COL14A1: variants seen among roughly 807,000 people sequenced by gnomAD.
COL14A1 encodes collagen alpha-1(XIV) chain.
A neutral mutation model predicts 230.3 loss-of-function variants in COL14A1; 136 were observed. The observed-to-expected ratio is 0.59, with a 90% CI of 0.51 to 0.68. The LOEUF (loss-of-function observed/expected upper bound fraction) is 0.68. COL14A1 is among the 30% of genes least tolerant of loss of function. The pLI is 0.00. For synonymous variants in COL14A1, 792 were observed against 784.1 expected, an observed-to-expected ratio of 1.01 and a Z score of -0.17; for missense variants, 1,976 against 2,215.8, an observed-to-expected ratio of 0.89 and a Z score of 2.17.
chr8:120,302,398 A>G (rs780172679), intron 36 of COL14A1, among the ~76,000 whole-genome samples: 1 of 152,148 alleles, frequency 6.6e-6, no homozygotes, highest in Non-Finnish European at 1.5e-5. Context: ...TCTTTAGTCC[A>G]TCTTGAGTTA....
At chr8:120,203,013 T>TATATATAC (rs909698427) in intron 8 of COL14A1, among the ~76,000 whole-genome samples, 7 of 126,494 alleles carry the variant, frequency 5.5e-5, no homozygotes, top group African/African-American at 2.0e-4. Context: ...TATATATATA[T>TATATATAC]ATATATATTT....
chr8:120,163,898 T>C (rs1815775805), intron 4 of COL14A1, among the ~76,000 whole-genome samples: 1 of 152,156 alleles, frequency 6.6e-6, no homozygotes, highest in Non-Finnish European at 1.5e-5. Flanking sequence ...GCCAGACTGT[T>C]TTCTAGGCAC....
intron 5 of COL14A1, among the ~76,000 whole-genome samples, chr8:120,185,501 AAAAC>A (rs1209412936): frequency 6.6e-6 from 1 of 152,034 alleles, no homozygotes; most frequent in African/African-American, 2.4e-5. Flanking sequence ...CAAAAATTAA[AAAAC>A]AAACAAACAA....
At chr8:120,264,901 T>C (rs1819459142) in intron 24 of COL14A1, among the ~76,000 whole-genome samples, 1 of 152,176 alleles carries the variant, frequency 6.6e-6, no homozygotes, top group African/African-American at 2.4e-5. Flanking sequence ...CTTTAGCTTC[T>C]CCTATCCTTG....
intron 2 of COL14A1, among the ~76,000 whole-genome samples, chr8:120,156,301 C>A (rs1815477509): frequency 6.6e-6 from 1 of 152,076 alleles, no homozygotes; most frequent in Non-Finnish European, 1.5e-5. Flanking sequence ...TCCTGAGTAG[C>A]TGGGACTACA....
chr8:120,231,827 C>A, intron 19 of COL14A1: 1 of 521,104 alleles, frequency 1.9e-6, no homozygotes, highest in African/African-American at 1.9e-5. Flanking sequence ...CAACTTGCTC[C>A]AAGTTAATAA....
chr8:120,337,391 G>C lies in COL14A1; in HGVS notation c.4786-3934G>C, dbSNP rs1822116411. On this transcript the variant is annotated intron_variant, in intron 42 of 47. Transcript: ENST00000297848. ...AGCCTGGGCGACAAAGCAAGACTCT[G>C]TCTCAAAATTAAAAAAAAAAAAAAA... Among the ~76,000 whole-genome samples, 3 of 120,854 alleles carry C rather than the reference G, an allele frequency of 2.5e-5. No individual in the cohort carries two copies. In the South Asian group the frequency reaches 8.3e-4, roughly 33 times the overall value. 79.3% of individuals were successfully genotyped at this position (120,854 alleles called of 152,430 possible). A position where few individuals can be genotyped will look rare whatever the true frequency, so the allele number is the denominator to read the frequency against.
rs184834691 is a variant in COL14A1 at position 120,289,958 on chromosome 8, A to G, written c.4236+192A>G. ...TAATGGCCTCTTTAAATGAATTAAG[A>G]CATGTACATTCAAAGCTTGTGGTAG... On this transcript the variant is annotated intron_variant, in intron 34 of 47. Transcript: ENST00000297848. Among the ~76,000 whole-genome samples the G allele has an allele frequency of 1.4e-4, 21 of 152,320 alleles. No individual in the cohort carries two copies. The East Asian group carries it at 3.7e-3, about 27-fold the overall frequency.
At chr8:120,364,579 T>C (rs554948549) in intron 45 of COL14A1, among the ~76,000 whole-genome samples, 1 of 152,174 alleles carries the variant, frequency 6.6e-6, no homozygotes, top group South Asian at 2.1e-4. Flanking sequence ...TGTAATATAA[T>C]AACTTGAAGA....
chr8:120,354,602 T>C (rs1822912755), intron 45 of COL14A1, among the ~76,000 whole-genome samples: 2 of 152,172 alleles, frequency 1.3e-5, no homozygotes, highest in Admixed American at 6.5e-5. Flanking sequence ...CATCTGATTG[T>C]CTCTCTCTTC....
chr8:120,168,022 A>G (rs965431920), intron 4 of COL14A1, 139 bp from the exon 5 acceptor site: 6 of 505,916 alleles, frequency 1.2e-5, no homozygotes, highest in Non-Finnish European at 1.8e-5. Flanking sequence ...AGCAGTTCTA[A>G]TATTTGGGGA....
chr8:120,161,862 A>G (rs1370916345), intron 3 of COL14A1, among the ~76,000 whole-genome samples: 2 of 152,110 alleles, frequency 1.3e-5, no homozygotes, highest in Admixed American at 6.5e-5. Context: ...ACGGGGTTTC[A>G]CCACATTGGC....
chr8:120,325,224 T>A (rs1821618014), intron 40 of COL14A1, among the ~76,000 whole-genome samples: 1 of 152,142 alleles, frequency 6.6e-6, no homozygotes, highest in African/African-American at 2.4e-5. Context: ...ATTATAAAAA[T>A]CCTTTCAAGT....
chr8:120,209,305 T>C (rs1322992638), intron 11 of COL14A1, among the ~76,000 whole-genome samples: 1 of 152,038 alleles, frequency 6.6e-6, no homozygotes, highest in East Asian at 1.9e-4. Flanking sequence ...AGGTAGAGGT[T>C]GCAGCTAAGA....
intron 14 of COL14A1, among the ~76,000 whole-genome samples, chr8:120,218,535 C>G (rs1010597575): frequency 2.0e-5 from 3 of 151,990 alleles, no homozygotes; most frequent in South Asian, 2.1e-4. Flanking sequence ...GTCTCAAACT[C>G]CTGACCTCAG....
chr8:120,318,719 T>C lies in COL14A1; in HGVS notation c.4659+2722T>C, dbSNP rs374978193. Among the ~76,000 whole-genome samples the C allele has an allele frequency of 5.3e-5, 8 of 152,224 alleles. No homozygotes were observed. In the South Asian group the frequency reaches 1.0e-3, roughly 20 times the overall value. On this transcript the variant is annotated intron_variant, in intron 40 of 47. Coordinates refer to ENST00000297848, the MANE Select transcript of COL14A1 (RefSeq NM_021110.4). ...ATTCCTGCTCCACCTCAGGCCATCC[T>C]AAAAGGCAAAGCTGCATTTGGGGGA...
In COL14A1 at chr8:120,200,766, T is replaced by TA. The variant is rs1817223836; in HGVS notation, c.877+1200_877+1201insA. Among the ~76,000 whole-genome samples, 527 of 121,032 alleles carry TA rather than the reference T, an allele frequency of 4.4e-3. 6 individuals carry two copies. The highest frequency in any genetic ancestry group is 6.4e-3 in the Non-Finnish European group (363 of 56,532). 79.4% of individuals were successfully genotyped at this position (121,032 alleles called of 152,430 possible). ...ATATATATATATATATATATATATA[T>TA]TATTTTTCATCAGAGGAGGTTTCTG... On this transcript the variant is annotated intron_variant, in intron 8 of 47. Transcript: ENST00000297848.
chr8:120,170,043 T>C (rs1446287041), intron 5 of COL14A1, among the ~76,000 whole-genome samples: 2 of 152,088 alleles, frequency 1.3e-5, no homozygotes, highest in Non-Finnish European at 2.9e-5. Context: ...TATTTAATTA[T>C]ACAAAGTTCA....
intron 47 of COL14A1, among the ~76,000 whole-genome samples, chr8:120,369,983 C>T (rs983931251): frequency 6.6e-6 from 1 of 152,320 alleles, no homozygotes; most frequent in Admixed American, 6.5e-5. Context: ...TTAAGCACCA[C>T]ATTTTAGGTG....
Sources: gnomAD v4.1 joint callset for allele counts (sites outside exome capture counted in the v4.1 genomes callset) on GRCh38, gnomAD v4.1.1 for gene constraint, MANE v1.5 for transcripts, NCBI Gene and HGNC (gene_info 2026-07-23, HGNC 2026-07-21) for gene names.